CDH13: variants seen among roughly 807,000 people sequenced by gnomAD.
CDH13 encodes the protein cadherin-13.
CDH13 carries 24 observed loss-of-function variants against 63.8 expected under a neutral mutation model. The observed-to-expected ratio is 0.38, with a 90% confidence interval of 0.27 to 0.53. The LOEUF is 0.53. Ranked by LOEUF, CDH13 falls within the 20% of genes least tolerant of loss-of-function variation. The pLI is 0.85. For missense variants in CDH13, 1,049 were observed against 903.1 expected (o/e 1.16, Z -2.07); for synonymous variants, 503 against 355.3 (o/e 1.42, Z -4.67).
At chr16:83,684,529 C>T (rs1195800411) in intron 10 of CDH13, among the ~76,000 whole-genome samples, 1 of 152,230 alleles carries the variant, frequency 6.6e-6, no homozygotes, top group East Asian at 1.9e-4. Flanking sequence ...CTAAATCCTT[C>T]TGAATAGCTG....
intron 1 of CDH13, among the ~76,000 whole-genome samples, chr16:82,774,418 A>C (rs1464081066): frequency 6.6e-6 from 1 of 152,076 alleles, no homozygotes; most frequent in Non-Finnish European, 1.5e-5. Context: ...GTGAGAAATA[A>C]GTGAGTCTGT....
intron 1 of CDH13, among the ~76,000 whole-genome samples, chr16:82,688,675 C>A (rs1273044651): frequency 6.6e-6 from 1 of 152,122 alleles, no homozygotes; most frequent in African/African-American, 2.4e-5. Flanking sequence ...AAATAAAGAT[C>A]CGAGGATGAT....
At chr16:83,422,299 A>C (rs1162074773) in intron 6 of CDH13, among the ~76,000 whole-genome samples, 1 of 152,194 alleles carries the variant, frequency 6.6e-6, no homozygotes, top group Non-Finnish European at 1.5e-5. Context: ...AGAATTACAC[A>C]GTCATTCTCT....
chr16:83,572,070 C>G (rs1163968606), intron 7 of CDH13, among the ~76,000 whole-genome samples: 1 of 152,168 alleles, frequency 6.6e-6, no homozygotes, highest in African/African-American at 2.4e-5. Flanking sequence ...CCAGAAAACT[C>G]ACAAAGGCTG....
chr16:83,373,195 G>A (rs1417682028), intron 6 of CDH13, among the ~76,000 whole-genome samples: 1 of 152,194 alleles, frequency 6.6e-6, no homozygotes, highest in African/African-American at 2.4e-5. Flanking sequence ...ATAGGAAGCA[G>A]ACGGCATGCT....
chr16:83,677,858 G>A (rs796804397), intron 9 of CDH13, among the ~76,000 whole-genome samples: 14 of 152,154 alleles, frequency 9.2e-5, no homozygotes, highest in African/African-American at 2.9e-4. Context: ...GTTGCCTAAC[G>A]ATATCTCAGA....
rs569989533 is a variant in CDH13, at chr16:83,482,815, A to G, written c.782-3662A>G. 1.3e-3 allele frequency among the ~76,000 whole-genome samples: 201 copies of G among 152,302 alleles called. 4 individuals carry two copies. In the South Asian group the frequency reaches 0.038, roughly 29 times the overall value. ...AAACCCAGATCTGCACACTAAGACC[A>G]TGGGCAGGGTGGGAGAAGGGACCCG... is the stretch of plus-strand genomic sequence containing the variant. On this transcript the variant is annotated intron_variant, in intron 6 of 13. Transcript: ENST00000567109.
At chr16:83,269,438 G>C (rs924999789) in intron 5 of CDH13, among the ~76,000 whole-genome samples, 1 of 152,082 alleles carries the variant, frequency 6.6e-6, no homozygotes, top group Non-Finnish European at 1.5e-5. Flanking sequence ...TCATCTATTT[G>C]GACCTAGGGA....
chr16:83,079,660 A>T (rs1459684761), intron 3 of CDH13, among the ~76,000 whole-genome samples: 2 of 152,228 alleles, frequency 1.3e-5, no homozygotes, highest in Middle Eastern at 3.2e-3. Context: ...GCCTACACTC[A>T]TAAATGTATA....
chr16:83,149,229 T>C (rs1328757081), intron 4 of CDH13, among the ~76,000 whole-genome samples: 1 of 152,156 alleles, frequency 6.6e-6, no homozygotes, highest in African/African-American at 2.4e-5. Flanking sequence ...ACCTCAGAGG[T>C]GGAAACCAAG....
chr16:82,642,157 G>A (rs1486871833), intron 1 of CDH13, among the ~76,000 whole-genome samples: 1 of 150,324 alleles, frequency 6.7e-6, no homozygotes, highest in Non-Finnish European at 1.5e-5. Context: ...GCCCACTGCA[G>A]CCTAACACCT....
chr16:82,805,095 T>A (rs1388465878), intron 1 of CDH13, among the ~76,000 whole-genome samples: 1 of 151,894 alleles, frequency 6.6e-6, no homozygotes, highest in Non-Finnish European at 1.5e-5. Context: ...TAGAAGAGAG[T>A]GTGGACTTGC....
intron 1 of CDH13, among the ~76,000 whole-genome samples, chr16:82,806,461 G>C (rs904269048): frequency 3.3e-5 from 5 of 152,120 alleles, no homozygotes; most frequent in African/African-American, 1.2e-4. Flanking sequence ...GAATTTTAAA[G>C]TTAATTTTTG....
intron 10 of CDH13, among the ~76,000 whole-genome samples, chr16:83,717,395 C>A (rs1423287693): frequency 6.6e-6 from 1 of 152,186 alleles, no homozygotes; most frequent in Non-Finnish European, 1.5e-5. Context: ...TCAGTCTGAA[C>A]TGAATCTGTC....
chr16:83,000,366 A>G (rs1290317635), intron 2 of CDH13, among the ~76,000 whole-genome samples: 3 of 145,290 alleles, frequency 2.1e-5, no homozygotes, highest in African/African-American at 7.6e-5. Flanking sequence ...GTCTTGCCTC[A>G]GCCTCGCGAG....
At chr16:83,067,320 G>A (rs770551719) in intron 3 of CDH13, among the ~76,000 whole-genome samples, 2 of 152,130 alleles carry the variant, frequency 1.3e-5, no homozygotes, top group East Asian at 3.9e-4. Context: ...AATACCTACT[G>A]TCTACTTGTC....
chr16:83,356,489 G>T (rs1432401322), intron 6 of CDH13, among the ~76,000 whole-genome samples: 2 of 152,214 alleles, frequency 1.3e-5, no homozygotes, highest in African/African-American at 4.8e-5. Context: ...AGAAAAGATT[G>T]ATAATCAGCA....
At chr16:82,877,777 C>T (rs555051991) in intron 2 of CDH13, among the ~76,000 whole-genome samples, 2 of 145,452 alleles carry the variant, frequency 1.4e-5, no homozygotes, top group Admixed American at 7.0e-5. Context: ...ACTTGCTTTA[C>T]ACACAGCCAC....
At chr16:83,260,089 A>T (rs1240362049) in intron 5 of CDH13, among the ~76,000 whole-genome samples, 3 of 125,996 alleles carry the variant, frequency 2.4e-5, no homozygotes, top group African/African-American at 8.8e-5. Flanking sequence ...GTAACCATGT[A>T]CCCCCAATAC....
Sources: gnomAD v4.1 joint callset for allele counts (sites outside exome capture counted in the v4.1 genomes callset) on GRCh38, gnomAD v4.1.1 for gene constraint, MANE v1.5 for transcripts, NCBI Gene and HGNC (gene_info 2026-07-23, HGNC 2026-07-21) for gene names.